The following ABCC6 variants were observed in gnomAD, a reference collection of about 807,000 sequenced individuals.
The protein encoded by ABCC6 is ATP binding cassette subfamily C member 6, also known as ATP-binding cassette sub-family C member 6.
A neutral mutation model predicts 169.5 loss-of-function variants in ABCC6; 126 were observed. The ratio of observed to expected loss-of-function variants is 0.74; its 90% CI spans 0.64 to 0.86. The LOEUF is 0.86. Among genes scored for constraint, ABCC6 ranks in the 40% least tolerant of loss-of-function variants. ABCC6 has a pLI of 0.00. For missense variants in ABCC6, 1,733 were observed against 1,927.2 expected (o/e 0.90, Z 1.89); for synonymous variants, 752 against 814.7 (o/e 0.92, Z 1.31).
intron 20 of ABCC6, among the ~76,000 whole-genome samples, chr16:16,174,477 C>T (rs1198651513): frequency 1.3e-5 from 2 of 152,170 alleles, no homozygotes; most frequent in African/African-American, 4.8e-5. Flanking sequence ...CCTCTGTTAG[C>T]CAGGTGCAGT....
chr16:16,219,333 G>A (rs2048996560), intron 4 of ABCC6, among the ~76,000 whole-genome samples: 1 of 152,204 alleles, frequency 6.6e-6, no homozygotes, highest in African/African-American at 2.4e-5. Flanking sequence ...CACGTGTGAT[G>A]TGGGCCTGTA....
intron 13 of ABCC6, among the ~76,000 whole-genome samples, chr16:16,187,817 A>T (rs969369948): frequency 1.3e-5 from 2 of 152,066 alleles, no homozygotes; most frequent in African/African-American, 4.8e-5. Context: ...GCATCACTTG[A>T]GTCCAGGAGT....
chr16:16,214,825 A>T (rs1383698898), intron 4 of ABCC6, among the ~76,000 whole-genome samples: 1 of 152,084 alleles, frequency 6.6e-6, no homozygotes, highest in South Asian at 2.1e-4. Context: ...GGCCAGGCTG[A>T]CCTCAAACTG....
chr16:16,193,900 G>A (rs1237488647), intron 10 of ABCC6, among the ~76,000 whole-genome samples: 5 of 152,232 alleles, frequency 3.3e-5, no homozygotes, highest in Admixed American at 1.3e-4. Flanking sequence ...GATAAGGGCA[G>A]CCACCAGGTC....
At chr16:16,206,136 A>C (rs1046866480) in intron 7 of ABCC6, among the ~76,000 whole-genome samples, 1 of 152,242 alleles carries the variant, frequency 6.6e-6, no homozygotes, top group Non-Finnish European at 1.5e-5. Flanking sequence ...CAGTGTGTTC[A>C]GCCTGCAGGC....
chr16:16,160,900 AT>A (rs1209380869), intron 25 of ABCC6, among the ~76,000 whole-genome samples: 3 of 152,028 alleles, frequency 2.0e-5, no homozygotes, highest in Admixed American at 6.6e-5. Flanking sequence ...GTATATATAT[AT>A]TTTTTTCATA....
At position 16,149,828 on chromosome 16, in the gene ABCC6, G is replaced by A; in HGVS notation, c.*305C>T. 2.0e-6 allele frequency: 1 copy of A among 507,872 alleles called. No individual in the cohort carries two copies. The highest frequency in any genetic ancestry group is 3.4e-5 in the East Asian group (1 of 29,320). 31.5% of individuals were successfully genotyped at this position (507,872 alleles called of 1,614,324 possible). On this transcript the variant is annotated 3_prime_UTR_variant, in exon 31 of 31. Transcript: ENST00000205557. The stretch of plus-strand genomic sequence containing the variant: ...ATTTAAGGGTCTAGCCGGGAGCCTG[G>A]GCATGTGCTTGAGGCCCCCAGGTGA...
chr16:16,195,047 C>G lies in ABCC6; in HGVS notation c.1339-2125G>C, dbSNP rs187884481. Reference sequence around the variant, plus strand: ...ATGCGGCAATGGCGCTACCTAGTGGCTCAATGGAGAAGGGCGCAGAGGGTA... The same window carrying G: ...ATGCGGCAATGGCGCTACCTAGTGGGTCAATGGAGAAGGGCGCAGAGGGTA... On this transcript the variant is annotated intron_variant, in intron 10 of 30. Transcript: ENST00000205557. Among the ~76,000 whole-genome samples, 186 of 152,148 alleles carry G rather than the reference C, an allele frequency of 1.2e-3. 5 individuals carry two copies. Among genetic ancestry groups the G allele is most frequent in the Admixed American group, 0.012 (184 of 15,260 alleles).
At chr16:16,185,484 G>T (rs778710580) in intron 14 of ABCC6, among the ~76,000 whole-genome samples, 6 of 152,128 alleles carry the variant, frequency 3.9e-5, no homozygotes, top group East Asian at 3.9e-4. Context: ...AGTGAAGGGG[G>T]TGTTATTAAT....
At position 16,179,044 on chromosome 16, in the gene ABCC6, G is replaced by A. The variant is rs2047385077; in HGVS notation, c.2248-79C>T. On this transcript the variant is annotated intron_variant, in intron 17 of 30. Transcript: ENST00000205557. ...GGGTGCCCAGGCTGTGGCAGGTCAG[G>A]GCACACCTGCCCATCAGGGTGAGGT... 5.4e-6 allele frequency: 8 copies of A among 1,474,718 alleles called. 1 individual carries two copies. The highest frequency in any genetic ancestry group is 1.4e-5 in the African/African-American group (1 of 72,126). 91.4% of individuals were successfully genotyped at this position (1,474,718 alleles called of 1,614,324 possible). A position where few individuals can be genotyped will look rare whatever the true frequency, so the allele number is the denominator to read the frequency against.
chr16:16,164,107 C>T (rs1024737822), intron 23 of ABCC6, among the ~76,000 whole-genome samples: 1 of 152,078 alleles, frequency 6.6e-6, no homozygotes, highest in Non-Finnish European at 1.5e-5. Flanking sequence ...AATCTCAGCT[C>T]GCTGCAACCT....
At chr16:16,201,569 C>A (rs920238354) in intron 9 of ABCC6, among the ~76,000 whole-genome samples, 9 of 152,086 alleles carry the variant, frequency 5.9e-5, no homozygotes, top group African/African-American at 1.9e-4. Flanking sequence ...ACAGATCACA[C>A]AAGACCTTAC....
intron 18 of ABCC6, among the ~76,000 whole-genome samples, chr16:16,177,992 AAAGG>A (rs1567497082): frequency 6.6e-6 from 1 of 150,652 alleles, no homozygotes; most frequent in Admixed American, 6.6e-5. Context: ...GAAAAGAAAC[AAAGG>A]AAGGAAGGAA....
At chr16:16,205,992 G>A (rs190356819) in intron 7 of ABCC6, among the ~76,000 whole-genome samples, 4 of 152,330 alleles carry the variant, frequency 2.6e-5, no homozygotes, top group Admixed American at 6.5e-5. Flanking sequence ...TGGTTCCAAT[G>A]CCTGCTCTGT....
At chr16:16,178,763 G>A in intron 18 of ABCC6, 35 bp downstream of exon 18, 1 of 1,612,728 alleles carries the variant, frequency 6.2e-7, no homozygotes, top group Non-Finnish European at 8.5e-7. Flanking sequence ...CTCTGCCTTT[G>A]CCCTGTACTG....
At chr16:16,168,457 G>T (rs1358831311) in intron 22 of ABCC6, among the ~76,000 whole-genome samples, 3 of 152,214 alleles carry the variant, frequency 2.0e-5, no homozygotes, top group Non-Finnish European at 2.9e-5. Context: ...CTGCATTCCA[G>T]CCTGGGTGAC....
chr16:16,208,716 C>T lies in ABCC6; in HGVS notation c.794+12G>A. The T allele has an allele frequency of 6.2e-7, 1 of 1,613,570 alleles. No homozygotes were observed. The highest frequency in any genetic ancestry group is 8.5e-7 in the Non-Finnish European group (1 of 1,179,622). Reference sequence around the variant, plus strand: ...GTAGCATCAGGTGAGTTCTTGACCTCCACCCACTTACCTCCGGGCTGCACT... The same window carrying T: ...GTAGCATCAGGTGAGTTCTTGACCTTCACCCACTTACCTCCGGGCTGCACT... On this transcript the variant is annotated intron_variant, in intron 7 of 30. Coordinates refer to ENST00000205557, the MANE Select transcript of ABCC6 (RefSeq NM_001171.6).
chr16:16,157,895 T>C, intron 26 of ABCC6, 86 bp from the exon 27 acceptor site: 1 of 1,444,740 alleles, frequency 6.9e-7, no homozygotes, highest in South Asian at 1.3e-5. Flanking sequence ...TTCAGTTTTC[T>C]CTTCCGCAAA....
rs776512349 is a variant in ABCC6, at chr16:16,169,732, A to T, written c.2909T>A (p.Leu970Gln). The change falls in exon 22 of 31, where the codon CTG (leucine) becomes CAG (glutamine). Residue 970 changes from leucine to glutamine, a missense_variant. By Grantham distance (113) the Leu-to-Gln change is moderately radical. This residue lies in a region of ABCC6 where 1,601 missense variants were observed against 1,635.5 expected (regional missense o/e 0.98). Transcript: ENST00000205557. The stretch of plus-strand genomic sequence containing the variant: ...ACCTACTGCAGGGTCGTCCGCCCAC[A>T]GGCTCAGCCAGTAGCCCCGGCAGAA... Reference protein sequence around the residue: ...ASFCRGYWLSLWADDPAVGGQ... With the variant: ...ASFCRGYWLSQWADDPAVGGQ... 1.2e-6 allele frequency: 2 copies of T among 1,608,956 alleles called. No homozygotes were observed. The highest frequency in any genetic ancestry group is 1.3e-5 in the African/African-American group (1 of 74,838).
Sources: allele counts gnomAD v4.1 joint callset (sites outside exome capture counted in the v4.1 genomes callset), GRCh38; gene constraint gnomAD v4.1.1; regional missense constraint gnomAD v4.1.1; transcripts MANE v1.5; gene names NCBI Gene and HGNC (gene_info 2026-07-23, HGNC 2026-07-21).